The following SORCS3 variants were observed in gnomAD, a reference collection of about 807,000 sequenced individuals.
SORCS3 encodes sortilin related VPS10 domain containing receptor 3.
Under a neutral mutation model 146.3 loss-of-function variants are expected in SORCS3, and 57 were observed. The observed-to-expected ratio is 0.39, with a 90% CI of 0.31 to 0.49. SORCS3 has a LOEUF of 0.49. SORCS3 is among the 20% of genes least tolerant of loss of function. The pLI, the probability that SORCS3 is intolerant of heterozygous loss-of-function variation, is 0.92. For synonymous variants in SORCS3, 653 were observed against 618.5 expected, an observed-to-expected ratio of 1.06 and a Z score of -0.83; for missense variants, 1,341 against 1,575.5, an observed-to-expected ratio of 0.85 and a Z score of 2.52.
chr10:105,176,451 G>T (rs1225456396), intron 13 of SORCS3, among the ~76,000 whole-genome samples: 1 of 152,122 alleles, frequency 6.6e-6, no homozygotes, highest in Non-Finnish European at 1.5e-5. Flanking sequence ...TATTTGGGAG[G>T]CTGAGGCGGG....
rs71022754 is a variant in SORCS3, at chr10:105,129,662, T to TACAC, written c.1213-9711_1213-9708dup. Among the ~76,000 whole-genome samples the TACAC allele has an allele frequency of 5.8e-3, 861 of 147,882 alleles. 8 individuals are homozygous for TACAC. Among genetic ancestry groups the TACAC allele is most frequent in the East Asian group, 0.041 (208 of 5,014 alleles). On this transcript the variant is annotated intron_variant, in intron 7 of 26. Coordinates refer to ENST00000369701, the MANE Select transcript of SORCS3 (RefSeq NM_014978.3). ...ATCTTTGCTTTTTTACCCACTCAAA[T>TACAC]ACACACACACACACACACACACACA...
intron 7 of SORCS3, among the ~76,000 whole-genome samples, chr10:105,129,322 T>C (rs2055998998): frequency 8.1e-6 from 1 of 123,822 alleles, no homozygotes; most frequent in African/African-American, 2.9e-5. Context: ...CTTTTCTTTC[T>C]TTCTTTCTCT....
chr10:104,901,820 C>T (rs138858488), intron 2 of SORCS3, among the ~76,000 whole-genome samples: 8 of 152,236 alleles, frequency 5.3e-5, no homozygotes, highest in Non-Finnish European at 1.0e-4. Flanking sequence ...CCACTGGTGC[C>T]TAGATTAGGT....
intron 5 of SORCS3, among the ~76,000 whole-genome samples, chr10:105,044,081 A>G (rs538852144): frequency 6.6e-6 from 1 of 152,248 alleles, no homozygotes; most frequent in East Asian, 1.9e-4. Context: ...TGAAAAAAAA[A>G]GATTTGGTTA....
intron 1 of SORCS3, among the ~76,000 whole-genome samples, chr10:104,756,537 A>C (rs2017052828): frequency 6.6e-6 from 1 of 152,204 alleles, no homozygotes; most frequent in African/African-American, 2.4e-5. Flanking sequence ...CCTTCTTCAT[A>C]AACAGAGTTT....
chr10:105,179,548 A>G (rs1052459189), intron 14 of SORCS3, among the ~76,000 whole-genome samples: 1 of 152,218 alleles, frequency 6.6e-6, no homozygotes, highest in Non-Finnish European at 1.5e-5. Flanking sequence ...TGAAATTAAG[A>G]TGGATCTTGG....
At chr10:104,938,886 T>A (rs2019285313) in intron 3 of SORCS3, among the ~76,000 whole-genome samples, 1 of 152,178 alleles carries the variant, frequency 6.6e-6, no homozygotes, top group African/African-American at 2.4e-5. Context: ...TTGCAGCCAC[T>A]TGTCAATGGT....
At position 105,178,192 on chromosome 10, in the gene SORCS3, G is replaced by GT. The variant is rs1435600825; in HGVS notation, c.2009+20dup. 1 of 1,572,750 alleles carries GT rather than the reference G, an allele frequency of 6.4e-7. No homozygotes were observed. Among genetic ancestry groups the GT allele is most frequent in the East Asian group, 2.3e-5 (1 of 44,356 alleles). On this transcript the variant is annotated intron_variant, in intron 14 of 26. Coordinates refer to ENST00000369701, the MANE Select transcript of SORCS3 (RefSeq NM_014978.3). ...TCATGACGTGAGTACTTCTTTTGCTGTGACAGGAAGAAGACCAGAGACACT... is the reference window on the plus strand; with the variant it reads ...TCATGACGTGAGTACTTCTTTTGCTGTTGACAGGAAGAAGACCAGAGACACT...
chr10:104,959,084 G>A (rs982394083), intron 3 of SORCS3, among the ~76,000 whole-genome samples: 1 of 152,230 alleles, frequency 6.6e-6, no homozygotes, highest in African/African-American at 2.4e-5. Context: ...CAGCCCTGCA[G>A]ACACCTGGAT....
At chr10:105,189,423 G>T (rs2056499420) in intron 14 of SORCS3, among the ~76,000 whole-genome samples, 1 of 152,152 alleles carries the variant, frequency 6.6e-6, no homozygotes, top group South Asian at 2.1e-4. Context: ...GAAGAAACTG[G>T]TAGTGCACAT....
intron 4 of SORCS3, among the ~76,000 whole-genome samples, chr10:105,026,451 A>G (rs1224423238): frequency 6.6e-6 from 1 of 152,216 alleles, no homozygotes; most frequent in Non-Finnish European, 1.5e-5. Flanking sequence ...TGGAATCATC[A>G]TTCAACCAGC....
At chr10:104,907,925 C>T (rs749285023) in intron 2 of SORCS3, among the ~76,000 whole-genome samples, 31 of 152,234 alleles carry the variant, frequency 2.0e-4, no homozygotes, top group Non-Finnish European at 3.7e-4. Context: ...TCTGCCATTG[C>T]AAAGATACAG....
chr10:104,646,092 A>T (rs536690204), intron 1 of SORCS3, among the ~76,000 whole-genome samples: 5 of 152,238 alleles, frequency 3.3e-5, no homozygotes, highest in Non-Finnish European at 7.3e-5. Flanking sequence ...GCATGGGGAC[A>T]TAACGGTACT....
intron 2 of SORCS3, among the ~76,000 whole-genome samples, chr10:104,894,152 TATC>T (rs1191209721): frequency 1.3e-5 from 2 of 152,224 alleles, no homozygotes; most frequent in Non-Finnish European, 2.9e-5. Flanking sequence ...TTTGCTTTCT[TATC>T]ATTGTTTTAC....
At position 104,968,135 on chromosome 10, in the gene SORCS3, G is replaced by A. The variant is rs889265863; in HGVS notation, c.796-9200G>A. 3.9e-5 allele frequency among the ~76,000 whole-genome samples: 6 copies of A among 152,016 alleles called. No homozygotes were observed. In the South Asian group the frequency reaches 6.3e-4, roughly 16 times the overall value. ...GAGATAACAGACTTGGGATAATTGCGACGGAGTTTCACTCTTGTTGCCCAA... is the reference window on the plus strand; with the variant it reads ...GAGATAACAGACTTGGGATAATTGCAACGGAGTTTCACTCTTGTTGCCCAA... On this transcript the variant is annotated intron_variant, in intron 3 of 26. Transcript: ENST00000369701.
At chr10:105,247,445 T>C (rs963242879) in intron 22 of SORCS3, 114 bp downstream of exon 22, 2 of 569,486 alleles carry the variant, frequency 3.5e-6, no homozygotes, top group African/African-American at 3.9e-5. Flanking sequence ...AAAGATTATT[T>C]CTCTGTAAAA....
At chr10:104,856,251 C>T (rs1045058297) in intron 2 of SORCS3, among the ~76,000 whole-genome samples, 5 of 151,594 alleles carry the variant, frequency 3.3e-5, no homozygotes, top group Admixed American at 2.0e-4. Flanking sequence ...TTTTCCCTTC[C>T]AGGTGCCCCT....
intron 3 of SORCS3, among the ~76,000 whole-genome samples, chr10:104,918,441 C>T (rs947550368): frequency 2.6e-5 from 4 of 152,134 alleles, no homozygotes; most frequent in East Asian, 1.9e-4. Context: ...ACAGTGATAG[C>T]GTAGGGGTTC....
chr10:104,869,889 T>C (rs1168573465), intron 2 of SORCS3, among the ~76,000 whole-genome samples: 1 of 152,232 alleles, frequency 6.6e-6, no homozygotes, highest in Non-Finnish European at 1.5e-5. Flanking sequence ...TAGAGCATCA[T>C]CATTATTAGC....
Sources: gnomAD v4.1 joint callset for allele counts (sites outside exome capture counted in the v4.1 genomes callset) on GRCh38, gnomAD v4.1.1 for gene constraint, MANE v1.5 for transcripts, NCBI Gene and HGNC (gene_info 2026-07-23, HGNC 2026-07-21) for gene names.